SERAC1: variants seen among roughly 807,000 people sequenced by gnomAD.
The protein encoded by SERAC1 is serine active site containing 1, also known as protein SERAC1.
In SERAC1, 36 loss-of-function variants were observed where a neutral mutation model predicts 85.7. The ratio of observed to expected loss-of-function variants is 0.42; its 90% CI spans 0.32 to 0.55. The LOEUF (loss-of-function observed/expected upper bound fraction) is 0.55. SERAC1 is among the 20% of genes least tolerant of loss of function. SERAC1 has a pLI of 0.11. For missense variants in SERAC1, 629 were observed against 796.2 expected (o/e 0.79, Z 2.53); for synonymous variants, 242 against 265.3 (o/e 0.91, Z 0.85).
chr6:158,140,142 C>T (rs931019050), intron 8 of SERAC1, among the ~76,000 whole-genome samples: 4 of 152,156 alleles, frequency 2.6e-5, no homozygotes, highest in African/African-American at 9.7e-5. Context: ...GGTCTCTACC[C>T]CTGGTTCCCT....
intron 1 of SERAC1, among the ~76,000 whole-genome samples, chr6:158,163,289 A>C (rs1215936456): frequency 6.6e-6 from 1 of 152,182 alleles, no homozygotes; most frequent in Non-Finnish European, 1.5e-5. Flanking sequence ...TAACTTCTAA[A>C]CTTTCCTTTA....
chr6:158,137,593 G>C (rs1208235367), intron 8 of SERAC1, among the ~76,000 whole-genome samples: 2 of 151,974 alleles, frequency 1.3e-5, no homozygotes, highest in Non-Finnish European at 2.9e-5. Context: ...AAGGTCATAC[G>C]GGCCAGGCAC....
intron 8 of SERAC1, among the ~76,000 whole-genome samples, chr6:158,139,509 T>C (rs1784869090): frequency 6.6e-6 from 1 of 152,220 alleles, no homozygotes; most frequent in African/African-American, 2.4e-5. Flanking sequence ...AAGTCCATTT[T>C]TAAATTGGGT....
At chr6:158,142,790 A>G (rs1366083395) in intron 8 of SERAC1, among the ~76,000 whole-genome samples, 3 of 152,124 alleles carry the variant, frequency 2.0e-5, no homozygotes. Context: ...TCTTTAAGAT[A>G]AAATTTAAGA....
At chr6:158,122,267 A>T (rs1321062991) in intron 10 of SERAC1, among the ~76,000 whole-genome samples, 1 of 152,270 alleles carries the variant, frequency 6.6e-6, no homozygotes, top group Admixed American at 6.5e-5. Context: ...AAAACTGCCT[A>T]ACGATACATT....
chr6:158,110,127 C>G lies in SERAC1; in HGVS notation c.*1239G>C, dbSNP rs1206319908. 2.0e-5 allele frequency: 3 copies of G among 152,212 alleles called. No individual in the cohort carries two copies. Among genetic ancestry groups the G allele is most frequent in the Non-Finnish European group, 2.9e-5 (2 of 68,060 alleles). 9.4% of individuals were successfully genotyped at this position (152,212 alleles called of 1,614,324 possible). On this transcript the variant is annotated 3_prime_UTR_variant, in exon 17 of 17. Coordinates refer to ENST00000647468, the MANE Select transcript of SERAC1 (RefSeq NM_032861.4). ...TGAATTGAGCCTGGGAACAATGGCT[C>G]TGGCCTATAATCACAGCATTTTGGG...
At position 158,130,404 on chromosome 6, in the gene SERAC1, A is replaced by C. The variant is rs1195875932; in HGVS notation, c.821T>G (p.Phe274Cys). Reference sequence around the variant, plus strand: ...ATGTTTTACTATAGCTTCTAAACAGAACATTTCCACTGTTGCTGAAGGAAC... The same window carrying C: ...ATGTTTTACTATAGCTTCTAAACAGCACATTTCCACTGTTGCTGAAGGAAC... ...GEVPSATVEM[F>C]CLEAIVKHSE... The change falls in exon 9 of 17, where the codon TTC (phenylalanine) becomes TGC (cysteine). Residue 274 changes from phenylalanine (F) to cysteine (C), a missense_variant. By Grantham distance (205) the Phe-to-Cys change is radical (BLOSUM62 -2). Transcript: ENST00000647468. The C allele has an allele frequency of 6.3e-7, 1 of 1,595,908 alleles. No individual in the cohort carries two copies. The highest frequency in any genetic ancestry group is 1.8e-5 in the Admixed American group (1 of 56,540).
intron 7 of SERAC1, among the ~76,000 whole-genome samples, 159 bp from the exon 8 acceptor site, chr6:158,143,343 CTCTCTATATATA>C (rs1333436370): frequency 0.28 from 9,070 of 32,866 alleles, 383 homozygotes; most frequent in Admixed American, 0.41. Context: ...CTCTCTCTCT[CTCTCTATATATA>C]TATATATATA....
intron 8 of SERAC1, among the ~76,000 whole-genome samples, chr6:158,135,438 C>G (rs1001807801): frequency 3.8e-4 from 58 of 151,978 alleles, no homozygotes; most frequent in Non-Finnish European, 3.8e-4. Context: ...GAGGCTGAGG[C>G]AGGAGAATTG....
intron 14 of SERAC1, 126 bp from the exon 15 acceptor site, chr6:158,115,097 T>TAAAC (rs1006390137): frequency 5.9e-6 from 6 of 1,011,044 alleles, no homozygotes; most frequent in African/African-American, 3.2e-5. Context: ...AAAAATGGTT[T>TAAAC]AAACAATTCT....
chr6:158,150,357 A>G (rs929210271), intron 4 of SERAC1, 96 bp downstream of exon 4: 2 of 939,394 alleles, frequency 2.1e-6, no homozygotes, highest in Admixed American at 5.3e-5. Flanking sequence ...AATTAGCTCA[A>G]TCTGTATTAC....
intron 8 of SERAC1, among the ~76,000 whole-genome samples, chr6:158,135,394 G>A (rs565863951): frequency 6.6e-6 from 1 of 152,196 alleles, no homozygotes; most frequent in African/African-American, 2.4e-5. Flanking sequence ...AGTCAGGCAT[G>A]GTGGCGGATA....
chr6:158,126,893 A>G (rs1784551117), intron 10 of SERAC1, among the ~76,000 whole-genome samples: 1 of 152,024 alleles, frequency 6.6e-6, no homozygotes, highest in Admixed American at 6.6e-5. Flanking sequence ...CTCTACAAAA[A>G]GTTTTTCAAA....
intron 3 of SERAC1, among the ~76,000 whole-genome samples, chr6:158,154,569 T>C (rs1017636864): frequency 1.2e-4 from 18 of 152,148 alleles, no homozygotes; most frequent in Non-Finnish European, 4.4e-5. Flanking sequence ...GTATTACATA[T>C]ATATTCCTCC....
intron 3 of SERAC1, among the ~76,000 whole-genome samples, chr6:158,151,623 C>T (rs1004571299): frequency 2.0e-5 from 3 of 152,080 alleles, no homozygotes; most frequent in East Asian, 1.9e-4. Flanking sequence ...GATGGGGTTT[C>T]GCCATGTTAG....
chr6:158,118,086 G>A (rs1415826896), intron 12 of SERAC1, among the ~76,000 whole-genome samples: 1 of 152,268 alleles, frequency 6.6e-6, no homozygotes, highest in Admixed American at 6.5e-5. Flanking sequence ...CAAAAGCAAG[G>A]CCTGTTTTAA....
chr6:158,123,542 C>T (rs1784468199), intron 10 of SERAC1, among the ~76,000 whole-genome samples: 1 of 152,228 alleles, frequency 6.6e-6, no homozygotes, highest in South Asian at 2.1e-4. Flanking sequence ...TTACAATAGT[C>T]ATTGCTAAGA....
chr6:158,145,417 G>C (rs1328971448), intron 6 of SERAC1: 1 of 151,616 alleles, frequency 6.6e-6, no homozygotes, highest in Non-Finnish European at 1.5e-5. Context: ...CCAACATTAA[G>C]TAAGCTTATA....
chr6:158,117,381 C>T lies in SERAC1; in HGVS notation c.1403+346G>A. On this transcript the variant is annotated intron_variant, in intron 13 of 16. Transcript: ENST00000647468. This position sits in a 1 kb window ranked among gnomAD's most constrained non-coding sequence, Gnocchi z 4.3. ...ATATTTCTCAGCATCTTTCTCTTTG[C>T]TTCCTTTAGCCAGTATGATTGTGGA... The T allele has an allele frequency of 1.3e-6, 1 of 772,140 alleles. No individual in the cohort carries two copies. The highest frequency in any genetic ancestry group is 1.8e-5 in the African/African-American group (1 of 56,942). 47.8% of individuals were successfully genotyped at this position (772,140 alleles called of 1,614,324 possible). A position where few individuals can be genotyped will look rare whatever the true frequency, so the allele number is the denominator to read the frequency against.
Sources: allele counts gnomAD v4.1 joint callset (sites outside exome capture counted in the v4.1 genomes callset), GRCh38; gene constraint gnomAD v4.1.1; non-coding constraint Gnocchi (gnomAD v3.1); transcripts MANE v1.5; gene names NCBI Gene and HGNC (gene_info 2026-07-23, HGNC 2026-07-21).